Variants in JAZF1 observed in about 807,000 individuals in gnomAD.
JAZF1 encodes the protein juxtaposed with another zinc finger protein 1.
A neutral mutation model predicts 26.4 loss-of-function variants in JAZF1; 8 were observed. The observed-to-expected ratio is 0.30, with a 90% CI of 0.18 to 0.55. JAZF1 has a LOEUF of 0.55. Ranked by LOEUF, JAZF1 falls within the 20% of genes least tolerant of loss-of-function variation. JAZF1 has a pLI of 0.94. For synonymous variants in JAZF1, 126 were observed against 122.3 expected (o/e 1.03, Z -0.20); for missense variants, 199 against 322.0 (o/e 0.62, Z 2.92).
intron 1 of JAZF1, among the ~76,000 whole-genome samples, chr7:28,030,708 G>A (rs1051119376): frequency 2.0e-5 from 3 of 152,126 alleles, no homozygotes; most frequent in Non-Finnish European, 2.9e-5. Context: ...TTACCATCTT[G>A]ACTTTAAAAT....
chr7:28,090,901 A>G lies in JAZF1; in HGVS notation c.115+89562T>C, dbSNP rs1197072569. On this transcript the variant is annotated intron_variant, in intron 1 of 4. Transcript: ENST00000283928. ...GACTGCAGTGGCGCGATCTCGGCTCACTGCAAGCTCCGCTTCCCGGGTTCA... is the reference window on the plus strand; with the variant it reads ...GACTGCAGTGGCGCGATCTCGGCTCGCTGCAAGCTCCGCTTCCCGGGTTCA... Among the ~76,000 whole-genome samples the G allele has an allele frequency of 4.9e-4, 67 of 136,058 alleles. 1 individual carries two copies. In the East Asian group the frequency reaches 0.014, roughly 28 times the overall value. 89.3% of individuals were successfully genotyped at this position (136,058 alleles called of 152,430 possible). A position where few individuals can be genotyped will look rare whatever the true frequency, so the allele number is the denominator to read the frequency against.
chr7:27,955,111 C>T (rs1785066477), intron 2 of JAZF1, among the ~76,000 whole-genome samples: 2 of 152,124 alleles, frequency 1.3e-5, no homozygotes, highest in African/African-American at 4.8e-5. Context: ...AGTTGCCTGG[C>T]CAATAAATTC....
intron 1 of JAZF1, among the ~76,000 whole-genome samples, chr7:28,035,660 T>C (rs1783280351): frequency 6.6e-6 from 1 of 152,128 alleles, no homozygotes; most frequent in Admixed American, 6.6e-5. Context: ...GAGGATAAAG[T>C]GCAGAGAAAT....
intron 2 of JAZF1, among the ~76,000 whole-genome samples, chr7:27,947,728 C>A (rs1409923943): frequency 6.6e-6 from 1 of 152,120 alleles, no homozygotes; most frequent in Non-Finnish European, 1.5e-5. Context: ...AATAAATTGC[C>A]ATCACCATCC....
intron 1 of JAZF1, among the ~76,000 whole-genome samples, chr7:28,152,567 A>G (rs1783127311): frequency 6.6e-6 from 1 of 152,230 alleles, no homozygotes; most frequent in African/African-American, 2.4e-5. Flanking sequence ...TGACTCAGAA[A>G]AGGGAAAAGA....
intron 2 of JAZF1, among the ~76,000 whole-genome samples, chr7:27,978,214 G>A (rs1785508433): frequency 6.6e-6 from 1 of 152,124 alleles, no homozygotes; most frequent in South Asian, 2.1e-4. Flanking sequence ...CTTATTGAGA[G>A]TCTTATATAT....
At chr7:28,058,287 C>T (rs1046384689) in intron 1 of JAZF1, among the ~76,000 whole-genome samples, 1 of 152,170 alleles carries the variant, frequency 6.6e-6, no homozygotes, top group African/African-American at 2.4e-5. Context: ...AAGGAAAGCT[C>T]ACTTTTTATG....
intron 2 of JAZF1, among the ~76,000 whole-genome samples, chr7:27,944,314 T>C (rs1322310070): frequency 6.6e-6 from 1 of 152,252 alleles, no homozygotes; most frequent in Non-Finnish European, 1.5e-5. Context: ...TCAAAGGCTG[T>C]GTCTACAGCG....
At chr7:27,977,904 C>G (rs1274467149) in intron 2 of JAZF1, among the ~76,000 whole-genome samples, 1 of 152,196 alleles carries the variant, frequency 6.6e-6, no homozygotes, top group African/African-American at 2.4e-5. Flanking sequence ...CCTAAGCTTC[C>G]TTTCTTTCAG....
intron 2 of JAZF1, among the ~76,000 whole-genome samples, chr7:27,920,031 T>C (rs1583463879): frequency 6.6e-6 from 1 of 152,288 alleles, no homozygotes; most frequent in African/African-American, 2.4e-5. Context: ...TTAAGGGAAG[T>C]GCCTTTGGTG....
At chr7:28,115,964 C>T (rs55901351) in intron 1 of JAZF1, among the ~76,000 whole-genome samples, 4,495 of 152,046 alleles carry the variant, frequency 0.03, 100 homozygotes, top group Non-Finnish European at 0.042. Context: ...TCCATATCAA[C>T]GTATGAAGAG....
chr7:28,034,130 T>A (rs1783244450), intron 1 of JAZF1, among the ~76,000 whole-genome samples: 1 of 152,124 alleles, frequency 6.6e-6, no homozygotes, highest in Non-Finnish European at 1.5e-5. Flanking sequence ...TTTTATGACT[T>A]TCTAAAATAA....
intron 2 of JAZF1, among the ~76,000 whole-genome samples, chr7:27,954,294 C>G (rs1375988379): frequency 6.6e-6 from 1 of 152,138 alleles, no homozygotes; most frequent in African/African-American, 2.4e-5. Context: ...CTGACTGGGG[C>G]TGTGTCTCAC....
intron 1 of JAZF1, among the ~76,000 whole-genome samples, chr7:28,049,207 A>C (rs549128351): frequency 1.3e-5 from 2 of 151,116 alleles, no homozygotes; most frequent in African/African-American, 4.9e-5. Flanking sequence ...CTCAGTCTCC[A>C]GAGTAGTTGG....
intron 2 of JAZF1, among the ~76,000 whole-genome samples, chr7:27,944,847 C>G (rs1355271768): frequency 6.6e-6 from 1 of 152,068 alleles, no homozygotes; most frequent in African/African-American, 2.4e-5. Context: ...ACTCACTGGC[C>G]TTCCAAGGGA....
chr7:27,855,639 T>C (rs190449657), intron 3 of JAZF1, among the ~76,000 whole-genome samples: 47 of 152,304 alleles, frequency 3.1e-4, no homozygotes, highest in Non-Finnish European at 5.4e-4. Flanking sequence ...CTTGGACACA[T>C]ACACCCTTCC....
intron 1 of JAZF1, among the ~76,000 whole-genome samples, chr7:28,063,341 C>T (rs1029959891): frequency 2.0e-5 from 3 of 152,080 alleles, no homozygotes; most frequent in African/African-American, 7.2e-5. Flanking sequence ...TCCTTTAGTA[C>T]CCAGTATTGG....
At chr7:27,839,832 T>A (rs1782887784) in intron 4 of JAZF1, among the ~76,000 whole-genome samples, 1 of 152,196 alleles carries the variant, frequency 6.6e-6, no homozygotes, top group Non-Finnish European at 1.5e-5. Context: ...TATCTTTTTT[T>A]TTAAGCTTTA....
At chr7:27,902,495 C>G (rs967234509) in intron 2 of JAZF1, among the ~76,000 whole-genome samples, 2 of 152,124 alleles carry the variant, frequency 1.3e-5, no homozygotes, top group Non-Finnish European at 2.9e-5. Context: ...TGGAGGTAGA[C>G]TGTCTAGATT....
Sources: allele counts gnomAD v4.1 joint callset (sites outside exome capture counted in the v4.1 genomes callset), GRCh38; gene constraint gnomAD v4.1.1; transcripts MANE v1.5; gene names NCBI Gene and HGNC (gene_info 2026-07-23, HGNC 2026-07-21).